Variants in TEKT5 observed in about 807,000 individuals in gnomAD.
TEKT5 encodes tektin-5.
TEKT5 carries 52 observed loss-of-function variants against 48.7 expected under a neutral mutation model. The observed-to-expected ratio is 1.07, with a 90% CI of 0.86 to 1.35. TEKT5 has a LOEUF of 1.35. Among genes scored for constraint, TEKT5 ranks in the 40% most tolerant of loss-of-function variants. The pLI is 0.00. For synonymous variants in TEKT5, 318 were observed against 267.6 expected (o/e 1.19, Z -1.84); for missense variants, 831 against 641.6 (o/e 1.30, Z -3.19).
At chr16:10,657,940 T>C (rs943905515) in intron 5 of TEKT5, among the ~76,000 whole-genome samples, 6 of 152,058 alleles carry the variant, frequency 3.9e-5, no homozygotes, top group African/African-American at 1.4e-4. Flanking sequence ...TGAGATACAA[T>C]TTACCACAAA....
intron 5 of TEKT5, among the ~76,000 whole-genome samples, chr16:10,645,065 C>T (rs1898050533): frequency 1.3e-5 from 2 of 152,144 alleles, no homozygotes; most frequent in Admixed American, 1.3e-4. Flanking sequence ...CATGCTGGCA[C>T]CCTGACCTTG....
chr16:10,690,262 CA>C (rs1227920969), intron 1 of TEKT5: 4 of 533,854 alleles, frequency 7.5e-6, no homozygotes, highest in Middle Eastern at 4.8e-4. Context: ...GTAGAGAAAA[CA>C]GGATAAAGTA....
At chr16:10,669,039 A>AT (rs1261648627) in intron 5 of TEKT5, among the ~76,000 whole-genome samples, 1 of 152,144 alleles carries the variant, frequency 6.6e-6, no homozygotes, top group Non-Finnish European at 1.5e-5. Flanking sequence ...GAAATCTGAA[A>AT]TTTTTTTATG....
At chr16:10,660,577 T>G (rs1898349193) in intron 5 of TEKT5, among the ~76,000 whole-genome samples, 1 of 151,982 alleles carries the variant, frequency 6.6e-6, no homozygotes, top group African/African-American at 2.4e-5. Flanking sequence ...CTCTATGAAT[T>G]CCACCTTCAA....
Position 10,690,794 on chromosome 16 carries a change from G to C in TEKT5, c.565-769C>G, listed in dbSNP as rs1210421317. ...GGAAGCTGACAAACAGCAGTGATTA[G>C]CAAACCAGCCCGTGATGTCACAAAG... On this transcript the variant is annotated intron_variant, in intron 1 of 6. Coordinates refer to ENST00000283025, the MANE Select transcript of TEKT5 (RefSeq NM_144674.2). The C allele has an allele frequency of 3.7e-5, 36 of 985,268 alleles. 2 individuals carry two copies. In the South Asian group the frequency reaches 1.5e-3, roughly 42 times the overall value. 61.0% of individuals were successfully genotyped at this position (985,268 alleles called of 1,614,324 possible).
In TEKT5 at chr16:10,689,254, G is replaced by T. The variant is rs373274862; in HGVS notation, c.718C>A (p.Arg240=). The change falls in exon 3 of 7, where the codon CGG becomes AGG. Residue 240 remains arginine, a splice_region_variant and synonymous_variant. Coordinates refer to ENST00000283025, the MANE Select transcript of TEKT5 (RefSeq NM_144674.2). The part of the protein sequence containing the change: ...KLAQRIDIQM[R]DNRDAQHVLE... ...ATTAAAAAAAAAAAAAGCCCTTACC[G>T]CATCTGGATATCAATTCTTTGAGCT... 3 of 1,591,914 alleles carry T rather than the reference G, an allele frequency of 1.9e-6. No individual in the cohort carries two copies. The highest frequency in any genetic ancestry group is 1.8e-5 in the Admixed American group (1 of 56,126).
chr16:10,687,071 C>T lies in TEKT5; in HGVS notation c.719+2182G>A, dbSNP rs192396085. Among the ~76,000 whole-genome samples, 886 of 152,200 alleles carry T rather than the reference C, an allele frequency of 5.8e-3. 6 individuals carry two copies. The highest frequency in any genetic ancestry group is 0.01 in the Non-Finnish European group (688 of 68,006). The stretch of plus-strand genomic sequence containing the variant: ...AAAGCACAGAGTAGAATGGTTGTTA[C>T]CAGAGGCTGGGGGTGGGGTATTGGG... On this transcript the variant is annotated intron_variant, in intron 3 of 6. Transcript: ENST00000283025.
At chr16:10,674,712 C>T (rs118116939) in intron 5 of TEKT5, among the ~76,000 whole-genome samples, 2,205 of 150,892 alleles carry the variant, frequency 0.015, 30 homozygotes, top group Non-Finnish European at 0.025. Flanking sequence ...ACCAGATCAA[C>T]GGGTGGCAGA....
At chr16:10,661,509 T>G (rs1898369160) in intron 5 of TEKT5, among the ~76,000 whole-genome samples, 1 of 152,326 alleles carries the variant, frequency 6.6e-6, no homozygotes, top group South Asian at 2.1e-4. Flanking sequence ...GTTTGTAGTT[T>G]CATGCAGATC....
intron 5 of TEKT5, among the ~76,000 whole-genome samples, chr16:10,670,889 ATTTATTTC>A (rs1174530648): frequency 6.6e-6 from 1 of 151,684 alleles, no homozygotes; most frequent in Non-Finnish European, 1.5e-5. Flanking sequence ...GTATTTATTT[ATTTATTTC>A]AACTTATTTT....
At chr16:10,668,493 T>C (rs1211025810) in intron 5 of TEKT5, among the ~76,000 whole-genome samples, 1 of 152,176 alleles carries the variant, frequency 6.6e-6, no homozygotes, top group Non-Finnish European at 1.5e-5. Flanking sequence ...AGGAATCGGC[T>C]GCAAAGCACA....
At chr16:10,652,396 A>AACAC (rs1279915395) in intron 5 of TEKT5, among the ~76,000 whole-genome samples, 1 of 139,040 alleles carries the variant, frequency 7.2e-6, no homozygotes, top group Admixed American at 7.3e-5. Context: ...CTCAGGCAAA[A>AACAC]ACACACACAC....
At chr16:10,661,379 A>G (rs1246556771) in intron 5 of TEKT5, among the ~76,000 whole-genome samples, 1 of 152,188 alleles carries the variant, frequency 6.6e-6, no homozygotes, top group Non-Finnish European at 1.5e-5. Context: ...TTTGGACTTG[A>G]AGAGCTTGTT....
chr16:10,690,572 T>G, intron 1 of TEKT5: 1 of 985,344 alleles, frequency 1.0e-6, no homozygotes, highest in African/African-American at 1.7e-5. Context: ...TGTAAATCAC[T>G]GAGAACACTG....
intron 3 of TEKT5, among the ~76,000 whole-genome samples, chr16:10,688,085 G>T (rs541709347): frequency 1.3e-5 from 2 of 152,128 alleles, no homozygotes; most frequent in Non-Finnish European, 2.9e-5. Context: ...TCAATTTATA[G>T]ACAAACTATA....
rs766602215 is a variant in TEKT5 at position 10,627,720 on chromosome 16, G to A, written c.1321C>T (p.Gln441Ter). The change falls in exon 7 of 7, where the codon CAG becomes TAG. Residue 441 changes from glutamine to a stop codon, truncating the protein, a stop_gained. Coordinates refer to ENST00000283025, the MANE Select transcript of TEKT5 (RefSeq NM_144674.2). LOFTEE classifies it high-confidence loss of function. ...CGGCACTTGGTCATGACCAGCAGCT[G>A]CAGCGTGTCCTGTGTCTCCCGCAGC... ...LRLRETQDTL[Q>*]LLVMTKCRLE... 2 of 1,614,202 alleles carry A rather than the reference G, an allele frequency of 1.2e-6. No homozygotes were observed. Among genetic ancestry groups the A allele is most frequent in the Non-Finnish European group, 1.7e-6 (2 of 1,180,022 alleles).
intron 4 of TEKT5, among the ~76,000 whole-genome samples, chr16:10,681,544 C>G (rs1306437316): frequency 6.6e-6 from 1 of 152,106 alleles, no homozygotes; most frequent in Non-Finnish European, 1.5e-5. Context: ...ACCACCCCGC[C>G]ACCAGCCGAC....
At chr16:10,681,277 T>C (rs1200353982) in intron 4 of TEKT5, among the ~76,000 whole-genome samples, 1 of 152,134 alleles carries the variant, frequency 6.6e-6, no homozygotes, top group African/African-American at 2.4e-5. Flanking sequence ...CCCAGTGGTA[T>C]AGATTCAGAA....
intron 5 of TEKT5, among the ~76,000 whole-genome samples, chr16:10,670,428 A>C (rs1387612472): frequency 1.3e-5 from 2 of 152,258 alleles, no homozygotes; most frequent in East Asian, 3.9e-4. Flanking sequence ...CTGAGGCAGG[A>C]GAATCACTTG....
Sources: gnomAD v4.1 joint callset for allele counts (sites outside exome capture counted in the v4.1 genomes callset) on GRCh38, gnomAD v4.1.1 for gene constraint, MANE v1.5 for transcripts, NCBI Gene and HGNC (gene_info 2026-07-23, HGNC 2026-07-21) for gene names.